CFAP299: variants seen among roughly 807,000 people sequenced by gnomAD.
CFAP299 encodes cilia- and flagella-associated protein 299.
In CFAP299, 21 loss-of-function variants were observed where a neutral mutation model predicts 27.0. That is an observed-to-expected ratio of 0.78 (90% CI 0.55 to 1.12). The LOEUF is 1.12. CFAP299 is among the 50% of genes most tolerant of loss of function. The pLI, the probability that CFAP299 is intolerant of heterozygous loss-of-function variation, is 0.00. For synonymous variants in CFAP299, 104 were observed against 98.1 expected (o/e 1.06, Z -0.36); for missense variants, 310 against 276.6 (o/e 1.12, Z -0.86).
intron 3 of CFAP299, among the ~76,000 whole-genome samples, chr4:80,758,031 T>C (rs1725344591): frequency 6.6e-6 from 1 of 152,188 alleles, no homozygotes; most frequent in South Asian, 2.1e-4. Flanking sequence ...CGGTGACCCC[T>C]GAAGCCCCAG....
chr4:80,656,812 T>C (rs568956841), intron 3 of CFAP299, among the ~76,000 whole-genome samples: 47 of 152,212 alleles, frequency 3.1e-4, no homozygotes, highest in South Asian at 2.5e-3. Flanking sequence ...CTGTCTTCCA[T>C]AATGGTTGAA....
At chr4:80,429,089 G>A (rs1727676613) in intron 2 of CFAP299, among the ~76,000 whole-genome samples, 1 of 152,138 alleles carries the variant, frequency 6.6e-6, no homozygotes, top group Admixed American at 6.5e-5. Context: ...TTCTTGATGA[G>A]CTTTCTCTGG....
At chr4:80,468,611 G>T (rs1395356672) in intron 2 of CFAP299, among the ~76,000 whole-genome samples, 1 of 151,672 alleles carries the variant, frequency 6.6e-6, no homozygotes, top group Non-Finnish European at 1.5e-5. Context: ...GAGGTGGGTG[G>T]ATCACTTGAA....
intron 4 of CFAP299, among the ~76,000 whole-genome samples, chr4:80,877,049 G>A (rs1733416617): frequency 6.6e-6 from 1 of 152,060 alleles, no homozygotes; most frequent in African/African-American, 2.4e-5. Flanking sequence ...CTTTGTGTGT[G>A]GAAGAGCTCT....
chr4:80,549,448 G>A (rs1417687771), intron 2 of CFAP299, among the ~76,000 whole-genome samples: 5 of 152,164 alleles, frequency 3.3e-5, no homozygotes, highest in African/African-American at 9.6e-5. Flanking sequence ...GATATATTCT[G>A]CAGTTTACTT....
chr4:80,951,858 C>T (rs1737795099), intron 5 of CFAP299, among the ~76,000 whole-genome samples: 2 of 152,238 alleles, frequency 1.3e-5, no homozygotes, highest in South Asian at 2.1e-4. Context: ...TACACGTTCC[C>T]AGGACTGCAC....
In CFAP299 at chr4:80,891,793, A is replaced by T. The variant is rs1305087319; in HGVS notation, c.476+21658A>T. Among the ~76,000 whole-genome samples, 28 of 140,434 alleles carry T rather than the reference A, an allele frequency of 2.0e-4. 1 individual carries two copies. In the South Asian group the frequency reaches 2.3e-3, roughly 11 times the overall value. 92.1% of individuals were successfully genotyped at this position (140,434 alleles called of 152,430 possible). The stretch of plus-strand genomic sequence containing the variant: ...AAAAAAAAATTAAAAAAAAAATAAA[A>T]AAAAAAATAAAAGCTTTGAGAAGCC... On this transcript the variant is annotated intron_variant, in intron 4 of 5. Coordinates refer to ENST00000358105, the MANE Select transcript of CFAP299 (RefSeq NM_152770.3).
intron 2 of CFAP299, among the ~76,000 whole-genome samples, chr4:80,563,159 A>G (rs1208148907): frequency 1.3e-5 from 2 of 152,082 alleles, no homozygotes. Context: ...AATCAACAAC[A>G]AAAAAATCAG....
At chr4:80,806,823 G>A (rs777921419) in intron 3 of CFAP299, among the ~76,000 whole-genome samples, 1 of 152,084 alleles carries the variant, frequency 6.6e-6, no homozygotes, top group Non-Finnish European at 1.5e-5. Flanking sequence ...TTTTTTCTTA[G>A]ATGGCAAGAA....
At chr4:80,565,384 G>A (rs1254285366) in intron 2 of CFAP299, among the ~76,000 whole-genome samples, 1 of 151,982 alleles carries the variant, frequency 6.6e-6, no homozygotes, top group Non-Finnish European at 1.5e-5. Context: ...AGGCAAACAT[G>A]TATAGAATGT....
intron 1 of CFAP299, among the ~76,000 whole-genome samples, chr4:80,342,163 A>T (rs148418638): frequency 1.5e-3 from 221 of 152,330 alleles, no homozygotes; most frequent in African/African-American, 4.9e-3. Flanking sequence ...GAAATATGAG[A>T]CTATGTAAAA....
At chr4:80,430,934 AC>A (rs1308561226) in intron 2 of CFAP299, among the ~76,000 whole-genome samples, 5 of 151,980 alleles carry the variant, frequency 3.3e-5, no homozygotes, top group African/African-American at 1.2e-4. Context: ...TTTTGTGGGA[AC>A]CTTTTCTTCC....
chr4:80,951,958 G>C (rs866292196), intron 5 of CFAP299, among the ~76,000 whole-genome samples: 1 of 152,206 alleles, frequency 6.6e-6, no homozygotes. Context: ...CACCATCACT[G>C]CTATTTTTTC....
At chr4:80,553,439 T>C (rs1734626545) in intron 2 of CFAP299, among the ~76,000 whole-genome samples, 1 of 152,244 alleles carries the variant, frequency 6.6e-6, no homozygotes, top group East Asian at 1.9e-4. Context: ...GTGTCTTTGC[T>C]ATTGTGAATA....
intron 4 of CFAP299, among the ~76,000 whole-genome samples, chr4:80,889,538 C>T (rs1345493398): frequency 6.6e-6 from 1 of 151,812 alleles, no homozygotes; most frequent in Non-Finnish European, 1.5e-5. Context: ...TGAATTTTAC[C>T]AGAAATTTAA....
intron 3 of CFAP299, among the ~76,000 whole-genome samples, chr4:80,829,327 T>C (rs1730169524): frequency 6.6e-6 from 1 of 152,054 alleles, no homozygotes; most frequent in Non-Finnish European, 1.5e-5. Context: ...ATGAAAAGAC[T>C]CTCAATATCA....
At chr4:80,505,498 T>C (rs993707534) in intron 2 of CFAP299, among the ~76,000 whole-genome samples, 2 of 152,182 alleles carry the variant, frequency 1.3e-5, no homozygotes, top group Non-Finnish European at 2.9e-5. Flanking sequence ...AGGACTATTG[T>C]AGAAAATTAT....
Position 80,355,620 on chromosome 4 carries a change from T to A in CFAP299, c.112-7134T>A, listed in dbSNP as rs138400156. Among the ~76,000 whole-genome samples the A allele has an allele frequency of 3.1e-3, 475 of 152,230 alleles. 4 individuals carry two copies. The highest frequency in any genetic ancestry group is 0.011 in the African/African-American group (457 of 41,558). ...ATCCATCTGCCTCGGCCTCCCAATGTCCTTTGCTTTTTAATGGGGTTGATT... is the reference window on the plus strand; with the variant it reads ...ATCCATCTGCCTCGGCCTCCCAATGACCTTTGCTTTTTAATGGGGTTGATT... On this transcript the variant is annotated intron_variant, in intron 1 of 5. Transcript: ENST00000358105.
chr4:80,341,076 C>G (rs1012683504), intron 1 of CFAP299, among the ~76,000 whole-genome samples: 2 of 152,168 alleles, frequency 1.3e-5, no homozygotes, highest in African/African-American at 4.8e-5. Flanking sequence ...GTGCCTGGCC[C>G]AGACTGCTTC....
Sources: allele counts gnomAD v4.1 joint callset (sites outside exome capture counted in the v4.1 genomes callset), GRCh38; gene constraint gnomAD v4.1.1; transcripts MANE v1.5; gene names NCBI Gene and HGNC (gene_info 2026-07-23, HGNC 2026-07-21).